The following CPPED1 variants were observed in gnomAD, a reference collection of about 807,000 sequenced individuals.
The protein encoded by CPPED1 is calcineurin like phosphoesterase domain containing 1, also known as serine/threonine-protein phosphatase CPPED1.
A neutral mutation model predicts 28.0 loss-of-function variants in CPPED1; 28 were observed. That is an observed-to-expected ratio of 1.00 (90% confidence interval 0.74 to 1.37). CPPED1 has a LOEUF of 1.37. Among genes scored for constraint, CPPED1 ranks in the 40% most tolerant of loss-of-function variants. CPPED1 has a pLI of 0.00. For missense variants in CPPED1, 504 were observed against 416.5 expected (o/e 1.21, Z -1.83); for synonymous variants, 198 against 180.2 (o/e 1.10, Z -0.79).
chr16:12,766,197 A>G (rs1464910832), intron 2 of CPPED1, among the ~76,000 whole-genome samples: 2 of 150,366 alleles, frequency 1.3e-5, no homozygotes, highest in African/African-American at 2.5e-5. Context: ...GTTCGAGACC[A>G]GCCTGGCCAA....
At chr16:12,705,482 G>A (rs559426315) in intron 2 of CPPED1, among the ~76,000 whole-genome samples, 1 of 152,320 alleles carries the variant, frequency 6.6e-6, no homozygotes, top group South Asian at 2.1e-4. Context: ...ATTAGGCTGG[G>A]CGTGGTGGCT....
At chr16:12,696,517 T>C (rs1459597466) in intron 3 of CPPED1, among the ~76,000 whole-genome samples, 1 of 149,732 alleles carries the variant, frequency 6.7e-6, no homozygotes, top group Non-Finnish European at 1.5e-5. Flanking sequence ...CTCGGCTCAC[T>C]GCAACCTCCG....
intron 2 of CPPED1, among the ~76,000 whole-genome samples, chr16:12,745,479 A>G (rs527428478): frequency 2.9e-4 from 44 of 152,368 alleles, no homozygotes; most frequent in South Asian, 1.2e-3. Flanking sequence ...ACCATGGAAC[A>G]CTACACAGCT....
chr16:12,770,874 G>A (rs373063273), intron 2 of CPPED1, among the ~76,000 whole-genome samples: 7 of 127,524 alleles, frequency 5.5e-5, no homozygotes, highest in East Asian at 2.5e-4. Context: ...GAAAGGAAAG[G>A]AAAGGAAAGG....
chr16:12,691,163 G>A (rs74509685), intron 3 of CPPED1, among the ~76,000 whole-genome samples: 2 of 152,238 alleles, frequency 1.3e-5, no homozygotes, highest in African/African-American at 2.4e-5. Flanking sequence ...TGGGGAAGCC[G>A]ATTTGTCTCC....
At chr16:12,728,852 C>T (rs1042881737) in intron 2 of CPPED1, among the ~76,000 whole-genome samples, 1 of 152,190 alleles carries the variant, frequency 6.6e-6, no homozygotes, top group Admixed American at 6.5e-5. Context: ...CCAGCTTGGG[C>T]AACATACGGA....
At chr16:12,676,765 AATG>A (rs377325822) in intron 3 of CPPED1, among the ~76,000 whole-genome samples, 102 of 152,292 alleles carry the variant, frequency 6.7e-4, no homozygotes, top group African/African-American at 2.4e-3. Flanking sequence ...TAATAATAAT[AATG>A]ATGATAATAA....
Position 12,662,751 on chromosome 16 carries a change from C to T in CPPED1, c.*2135G>A, listed in dbSNP as rs2079802591. 6.6e-6 allele frequency: 1 copy of T among 152,224 alleles called. No individual in the cohort carries two copies. Among genetic ancestry groups the T allele is most frequent in the Non-Finnish European group, 1.5e-5 (1 of 68,040 alleles). 9.4% of individuals were successfully genotyped at this position (152,224 alleles called of 1,614,324 possible). A position where few individuals can be genotyped will look rare whatever the true frequency, so the allele number is the denominator to read the frequency against. On this transcript the variant is annotated 3_prime_UTR_variant, in exon 4 of 4. Coordinates refer to ENST00000381774, the MANE Select transcript of CPPED1 (RefSeq NM_018340.3). ...GCTGAATAGTATTCCATTATGTATA[C>T]ATACCACATGTTCTTTATCCAATCA...
intron 2 of CPPED1, among the ~76,000 whole-genome samples, chr16:12,744,792 T>C (rs1447709784): frequency 6.6e-6 from 1 of 152,192 alleles, no homozygotes; most frequent in African/African-American, 2.4e-5. Context: ...ACCAGCCTCC[T>C]GGGCAACATG....
intron 2 of CPPED1, among the ~76,000 whole-genome samples, chr16:12,774,092 G>A (rs2080484210): frequency 1.3e-5 from 2 of 152,158 alleles, no homozygotes; most frequent in Non-Finnish European, 2.9e-5. Flanking sequence ...TTTTTCAGGT[G>A]AGAAGAAACA....
intron 3 of CPPED1, among the ~76,000 whole-genome samples, chr16:12,702,764 G>C (rs956467419): frequency 4.0e-5 from 6 of 151,680 alleles, no homozygotes; most frequent in African/African-American, 9.7e-5. Flanking sequence ...TTGGGAGGCC[G>C]AGGTGGGTGG....
intron 2 of CPPED1, among the ~76,000 whole-genome samples, chr16:12,737,112 C>T (rs2080230593): frequency 6.6e-6 from 1 of 152,102 alleles, no homozygotes; most frequent in Non-Finnish European, 1.5e-5. Context: ...ATCTCTTGAA[C>T]CCGGGAGGTG....
At chr16:12,677,911 C>G (rs1448280282) in intron 3 of CPPED1, among the ~76,000 whole-genome samples, 1 of 152,186 alleles carries the variant, frequency 6.6e-6, no homozygotes, top group Non-Finnish European at 1.5e-5. Flanking sequence ...TGGTCTCTGT[C>G]ACGACTACTC....
chr16:12,693,212 G>A (rs1246669795), intron 3 of CPPED1, among the ~76,000 whole-genome samples: 1 of 152,030 alleles, frequency 6.6e-6, no homozygotes, highest in African/African-American at 2.4e-5. Flanking sequence ...CTAAATGAGT[G>A]GTATTTGCTT....
intron 2 of CPPED1, among the ~76,000 whole-genome samples, chr16:12,714,474 G>A (rs1178967085): frequency 6.6e-6 from 1 of 152,086 alleles, no homozygotes; most frequent in African/African-American, 2.4e-5. Flanking sequence ...TTTAATTGTA[G>A]CCATCTTAGT....
intron 2 of CPPED1, among the ~76,000 whole-genome samples, chr16:12,767,875 T>A (rs2080448328): frequency 6.6e-6 from 1 of 152,080 alleles, no homozygotes; most frequent in African/African-American, 2.4e-5. Flanking sequence ...GAGAATCACT[T>A]GAACCCAGGA....
intron 3 of CPPED1, among the ~76,000 whole-genome samples, chr16:12,690,862 G>C (rs568780235): frequency 6.6e-6 from 1 of 152,130 alleles, no homozygotes; most frequent in Non-Finnish European, 1.5e-5. Flanking sequence ...AGATCCCTTT[G>C]GATATCCCAG....
rs2079912885 is a variant in CPPED1 at position 12,682,863 on chromosome 16, C to T, written c.716-17748G>A. Among the ~76,000 whole-genome samples the T allele has an allele frequency of 6.6e-6, 1 of 152,138 alleles. No individual in the cohort carries two copies. Among genetic ancestry groups the T allele is most frequent in the African/African-American group, 2.4e-5 (1 of 41,414 alleles). ...TTGCGTGTGAAATGGAGCGTGGGGC[C>T]CACATTAAGGTTTCAATCCAGAATG... On this transcript the variant is annotated intron_variant, in intron 3 of 3. Transcript: ENST00000381774. This position sits in a 1 kb window ranked among gnomAD's most constrained non-coding sequence, Gnocchi z 6.1.
At chr16:12,683,592 GT>G (rs142927579) in intron 3 of CPPED1, among the ~76,000 whole-genome samples, 1 of 152,244 alleles carries the variant, frequency 6.6e-6, no homozygotes, top group East Asian at 1.9e-4. Context: ...CCTCGTGTGG[GT>G]TTAACTGGAG....
Sources: gnomAD v4.1 joint callset for allele counts (sites outside exome capture counted in the v4.1 genomes callset) on GRCh38, gnomAD v4.1.1 for gene constraint, Gnocchi (gnomAD v3.1) non-coding constraint, MANE v1.5 for transcripts, NCBI Gene and HGNC (gene_info 2026-07-23, HGNC 2026-07-21) for gene names.